Variants in NTN1 observed in about 807,000 individuals in gnomAD.
NTN1 encodes netrin 1, also known as netrin-1.
Under a neutral mutation model 54.2 loss-of-function variants are expected in NTN1, and 11 were observed. The observed-to-expected ratio is 0.20, with a 90% confidence interval of 0.13 to 0.34. The LOEUF (loss-of-function observed/expected upper bound fraction) is 0.34, where lower values mean the gene tolerates loss of function less well. Ranked by LOEUF, NTN1 falls within the 10% of genes least tolerant of loss-of-function variation. The pLI is 1.00. For synonymous variants in NTN1, 371 were observed against 382.0 expected, an observed-to-expected ratio of 0.97 and a Z score of 0.33; for missense variants, 740 against 893.1, an observed-to-expected ratio of 0.83 and a Z score of 2.18.
chr17:9,091,813 T>G (rs943683264), intron 2 of NTN1, among the ~76,000 whole-genome samples: 2 of 152,078 alleles, frequency 1.3e-5, no homozygotes, highest in Non-Finnish European at 1.5e-5. Flanking sequence ...ATCATCACCA[T>G]CCGTCTCCAG....
chr17:9,062,798 T>C (rs2092002824), intron 2 of NTN1, among the ~76,000 whole-genome samples: 1 of 152,200 alleles, frequency 6.6e-6, no homozygotes. Flanking sequence ...TGGGGTGCTC[T>C]GACACCCAGC....
chr17:9,065,628 G>A (rs1567701741), intron 2 of NTN1, among the ~76,000 whole-genome samples: 1 of 152,194 alleles, frequency 6.6e-6, no homozygotes, highest in Admixed American at 6.5e-5. Context: ...TCTGCTTTGC[G>A]ATGCCGTGCC....
chr17:9,110,325 A>C (rs1004241429), intron 2 of NTN1, among the ~76,000 whole-genome samples: 5 of 150,148 alleles, frequency 3.3e-5, no homozygotes, highest in African/African-American at 9.8e-5. Flanking sequence ...GCTGGAGTGC[A>C]GTGATGCGAT....
In NTN1 at chr17:9,225,121, G is replaced by A. The variant is rs557614361; in HGVS notation, c.1486+3879G>A. ...ATTAAAAATACAAAAAATTAGCTGGGTGTGGTGGTGTGCACCTGTAATCCC... is the reference window on the plus strand; with the variant it reads ...ATTAAAAATACAAAAAATTAGCTGGATGTGGTGGTGTGCACCTGTAATCCC... On this transcript the variant is annotated intron_variant, in intron 6 of 6. Transcript: ENST00000173229. Among the ~76,000 whole-genome samples the A allele has an allele frequency of 7.2e-5, 11 of 152,254 alleles. No individual in the cohort carries two copies. In the South Asian group the frequency reaches 1.4e-3, roughly 20 times the overall value.
chr17:9,238,677 C>T (rs1360365973), intron 6 of NTN1, among the ~76,000 whole-genome samples: 1 of 152,230 alleles, frequency 6.6e-6, no homozygotes, highest in Non-Finnish European at 1.5e-5. Flanking sequence ...AGTAAGGAAC[C>T]TCTTGACTTT....
chr17:9,058,493 G>A (rs2091985961), intron 2 of NTN1, among the ~76,000 whole-genome samples: 1 of 151,652 alleles, frequency 6.6e-6, no homozygotes, highest in African/African-American at 2.4e-5. Flanking sequence ...ACATGGCCAA[G>A]TCTTAAGACT....
chr17:9,181,490 C>G (rs2092418942), intron 4 of NTN1, among the ~76,000 whole-genome samples: 1 of 152,174 alleles, frequency 6.6e-6, no homozygotes, highest in African/African-American at 2.4e-5. Flanking sequence ...GACCAGGTGG[C>G]TTTTTAGGGC....
chr17:9,043,729 T>G (rs1406898901), intron 2 of NTN1, among the ~76,000 whole-genome samples: 14 of 151,960 alleles, frequency 9.2e-5, no homozygotes. Flanking sequence ...TACAGGCATG[T>G]GTCACCACGC....
chr17:9,044,452 C>CAGG (rs2091934539), intron 2 of NTN1, among the ~76,000 whole-genome samples: 1 of 152,100 alleles, frequency 6.6e-6, no homozygotes, highest in Non-Finnish European at 1.5e-5. Flanking sequence ...CCAGGCTGGT[C>CAGG]TCGAACTCCT....
the NTN1 span, among the ~76,000 whole-genome samples, chr17:9,007,282 C>A: frequency 7.2e-6 from 1 of 138,904 alleles, no homozygotes; most frequent in African/African-American, 2.7e-5. Context: ...TTTCTTTCAT[C>A]CCTTCCTTCC....
At chr17:9,140,489 G>A (rs1021172629) in intron 2 of NTN1, among the ~76,000 whole-genome samples, 3 of 152,222 alleles carry the variant, frequency 2.0e-5, no homozygotes, top group Admixed American at 6.5e-5. Context: ...TGTTCATGGA[G>A]GTGAACAAGC....
chr17:9,018,181 G>A (rs760784297), upstream of NTN1, among the ~76,000 whole-genome samples: 10 of 152,110 alleles, frequency 6.6e-5, no homozygotes, highest in Non-Finnish European at 1.2e-4. Flanking sequence ...TACTAAAGAT[G>A]ATAAGCGTAG....
At chr17:9,128,684 G>C (rs918204185) in intron 2 of NTN1, among the ~76,000 whole-genome samples, 3 of 152,166 alleles carry the variant, frequency 2.0e-5, no homozygotes, top group Non-Finnish European at 4.4e-5. Context: ...GGTATACCGG[G>C]TCCCTGTGGT....
intron 5 of NTN1, among the ~76,000 whole-genome samples, chr17:9,201,832 T>C (rs1352938701): frequency 6.6e-6 from 1 of 151,608 alleles, no homozygotes; most frequent in Non-Finnish European, 1.5e-5. Context: ...GAAGCAAATA[T>C]GGAGCAGCAG....
chr17:9,226,636 G>C (rs1270826704), intron 6 of NTN1, among the ~76,000 whole-genome samples: 1 of 152,140 alleles, frequency 6.6e-6, no homozygotes, highest in Non-Finnish European at 1.5e-5. Flanking sequence ...CAAATGCTTG[G>C]AGGAGAGCCG....
the NTN1 span, among the ~76,000 whole-genome samples, chr17:9,003,696 G>C: frequency 6.6e-6 from 1 of 151,988 alleles, no homozygotes; most frequent in South Asian, 2.1e-4. This position sits in a 1 kb window ranked among gnomAD's most constrained non-coding sequence, Gnocchi z 7.4. Flanking sequence ...ACCTCCCGGT[G>C]CCCCGGCCCC....
intron 2 of NTN1, among the ~76,000 whole-genome samples, chr17:9,032,727 G>A (rs1192711310): frequency 1.3e-5 from 2 of 152,170 alleles, no homozygotes; most frequent in Non-Finnish European, 2.9e-5. Context: ...TGTTGGACAC[G>A]GCCCCCCCAG....
intron 6 of NTN1, among the ~76,000 whole-genome samples, chr17:9,227,657 T>TCAAACACAC (rs137860749): frequency 2.7e-5 from 4 of 147,492 alleles, no homozygotes; most frequent in Non-Finnish European, 6.0e-5. Flanking sequence ...CACCATCACA[T>TCAAACACAC]ACCACACACA....
chr17:9,018,623 T>TAAAA (rs57153983), upstream of NTN1, among the ~76,000 whole-genome samples: 1 of 112,478 alleles, frequency 8.9e-6, no homozygotes, highest in African/African-American at 3.6e-5. Context: ...GACTCCATCT[T>TAAAA]AAAAAAAAAA....
Sources: gnomAD v4.1 joint callset for allele counts (sites outside exome capture counted in the v4.1 genomes callset) on GRCh38, gnomAD v4.1.1 for gene constraint, Gnocchi (gnomAD v3.1) non-coding constraint, MANE v1.5 for transcripts, NCBI Gene and HGNC (gene_info 2026-07-23, HGNC 2026-07-21) for gene names.